Variants in BUB1 observed in about 807,000 individuals in gnomAD.
BUB1 encodes mitotic checkpoint serine/threonine-protein kinase BUB1.
In BUB1, 84 loss-of-function variants were observed where a neutral mutation model predicts 135.2. The observed-to-expected ratio is 0.62, with a 90% CI of 0.52 to 0.74. BUB1 has a LOEUF of 0.74. Ranked by LOEUF, BUB1 falls within the 30% of genes least tolerant of loss-of-function variation. The pLI, the probability that BUB1 is intolerant of heterozygous loss-of-function variation, is 0.00. For missense variants in BUB1, 1,162 were observed against 1,288.3 expected (o/e 0.90, Z 1.50); for synonymous variants, 403 against 434.4 (o/e 0.93, Z 0.90).
At chr2:110,668,227 T>C (rs1411251396) in intron 6 of BUB1, among the ~76,000 whole-genome samples, 1 of 152,138 alleles carries the variant, frequency 6.6e-6, no homozygotes, top group Non-Finnish European at 1.5e-5. Flanking sequence ...AATTAAAATT[T>C]TCCTCAGGTA....
intron 19 of BUB1, among the ~76,000 whole-genome samples, chr2:110,644,478 CAAAAAA>C (rs57312823): frequency 1.6e-5 from 1 of 63,164 alleles, no homozygotes; most frequent in African/African-American, 4.8e-5. Context: ...AACCCCGTCT[CAAAAAA>C]AAAAAAAAAA....
rs768664246 is a variant in BUB1, at chr2:110,658,690, G to A, written c.1329C>T (p.Asn443=). 2.5e-6 allele frequency: 4 copies of A among 1,614,088 alleles called. No individual in the cohort carries two copies. The highest frequency in any genetic ancestry group is 1.7e-5 in the Admixed American group (1 of 60,014). Residue 443 remains asparagine, a synonymous_variant, in exon 12 of 25, where the codon AAC becomes AAT. Transcript: ENST00000302759. ...TTGCCTGAACCATTCCCAGTGATGT[G>A]TTTGGAGTTGTGTGAAAAGAACTTG... is the stretch of plus-strand genomic sequence containing the variant. ...ANTSSFHTTP[N]TSLGMVQATP...
chr2:110,642,148 C>T lies in BUB1; in HGVS notation c.2434G>A (p.Ala812Thr). 1 of 1,611,794 alleles carries T rather than the reference C, an allele frequency of 6.2e-7. No individual in the cohort carries two copies. Among genetic ancestry groups the T allele is most frequent in the Admixed American group, 1.7e-5 (1 of 59,600 alleles). The change falls in exon 20 of 25, where the codon GCT becomes ACT. Residue 812 changes from alanine to threonine, a missense_variant. Transcript: ENST00000302759. ...AAAACAAATTTCTGTTTATTTTTAG[C>T]ATCATTCAGATCTCCCTGGGTAGCT... ...YEATQGDLND[A>T]KNKQKFVLKV...
At chr2:110,653,585 C>T (rs1211450369) in intron 16 of BUB1, 62 bp from the exon 17 acceptor site, 2 of 1,337,552 alleles carry the variant, frequency 1.5e-6, no homozygotes, top group Admixed American at 3.4e-5. Context: ...CAACACACAC[C>T]ATTTGATATG....
chr2:110,657,761 T>A (rs1689971643), intron 13 of BUB1, 116 bp from the exon 14 acceptor site: 1 of 695,622 alleles, frequency 1.4e-6, no homozygotes, highest in Non-Finnish European at 2.3e-6. Flanking sequence ...AGAACTAATA[T>A]CAGCTTTTCA....
chr2:110,667,846 A>C lies in BUB1; in HGVS notation c.571T>G (p.Ser191Ala), dbSNP rs760051153. ...GAAGATATCACTCCAGAAAGCTCTG[A>C]ACCCTAAAAAACAGAAAACAAACAT... The part of the protein sequence containing the change: ...NMACISKNQG[S>A]ELSGVISSAC... The change falls in exon 7 of 25, where the codon TCA (serine) becomes GCA (alanine). Residue 191 changes from serine to alanine, a missense_variant. Ser to Ala is a moderately conservative substitution (Grantham distance 99). Coordinates refer to ENST00000302759, the MANE Select transcript of BUB1 (RefSeq NM_004336.5). 1.3e-5 allele frequency: 21 copies of C among 1,611,910 alleles called. No homozygotes were observed. The highest frequency in any genetic ancestry group is 1.6e-4 in the Middle Eastern group (1 of 6,076).
intron 10 of BUB1, among the ~76,000 whole-genome samples, chr2:110,660,364 G>A (rs1370071036): frequency 2.6e-5 from 4 of 151,118 alleles, no homozygotes; most frequent in South Asian, 2.1e-4. Context: ...CAACAAGAGC[G>A]AGACTCCATC....
chr2:110,645,564 A>G (rs898741900), intron 19 of BUB1, among the ~76,000 whole-genome samples: 5 of 151,700 alleles, frequency 3.3e-5, no homozygotes, highest in African/African-American at 1.2e-4. Flanking sequence ...AATTATCAGC[A>G]TAGAAAATGG....
At chr2:110,667,371 A>C (rs1574332477) in intron 8 of BUB1, 150 bp downstream of exon 8, 1 of 883,628 alleles carries the variant, frequency 1.1e-6, no homozygotes, top group Non-Finnish European at 1.6e-6. Context: ...AAATGGGTTA[A>C]TAATGATTTC....
At chr2:110,647,541 A>G (rs945157074) in intron 19 of BUB1, among the ~76,000 whole-genome samples, 4 of 152,120 alleles carry the variant, frequency 2.6e-5, no homozygotes, top group African/African-American at 9.7e-5. Flanking sequence ...ATAAAATCCA[A>G]CACCCACTTA....
At chr2:110,657,207 C>A in intron 14 of BUB1, 90 bp from the exon 15 acceptor site, 1 of 1,071,194 alleles carries the variant, frequency 9.3e-7, no homozygotes. Context: ...CTCTACTTAT[C>A]CTATTTAATG....
chr2:110,654,441 G>C (rs1689868612), intron 16 of BUB1, among the ~76,000 whole-genome samples: 1 of 152,052 alleles, frequency 6.6e-6, no homozygotes, highest in African/African-American at 2.4e-5. Flanking sequence ...ACTGCACACA[G>C]CCAAGTATAT....
At chr2:110,640,647 T>C (rs1272004674) in intron 23 of BUB1, among the ~76,000 whole-genome samples, 1 of 152,194 alleles carries the variant, frequency 6.6e-6, no homozygotes, top group Admixed American at 6.5e-5. Flanking sequence ...CAACTCTGCC[T>C]GGAGTGGGCA....
rs367631362 is a variant in BUB1, at chr2:110,674,370, AAG to A, written c.27-7_27-6del. 1 of 1,613,798 alleles carries A rather than the reference AAG, an allele frequency of 6.2e-7. No homozygotes were observed. Among genetic ancestry groups the A allele is most frequent in the African/African-American group, 1.3e-5 (1 of 75,030 alleles). ...TGCATGTGGGCTTCAAGCATCCTAG[AAG>A]AGAGAAAGGTATGCACATGGGATAT... On this transcript the variant is annotated splice_polypyrimidine_tract_variant and splice_region_variant and intron_variant, in intron 1 of 24. Coordinates refer to ENST00000302759, the MANE Select transcript of BUB1 (RefSeq NM_004336.5).
chr2:110,666,359 C>A lies in BUB1; in HGVS notation c.861G>T (p.Gln287His). 6.5e-7 allele frequency: 1 copy of A among 1,539,692 alleles called. No individual in the cohort carries two copies. Among genetic ancestry groups the A allele is most frequent in the Admixed American group, 1.9e-5 (1 of 52,104 alleles). Residue 287 changes from glutamine to histidine, a missense_variant, in exon 9 of 25, where the codon CAG becomes CAT. Gln to His is a conservative substitution (Grantham distance 24). Coordinates refer to ENST00000302759, the MANE Select transcript of BUB1 (RefSeq NM_004336.5). ...KRKEANAFEEQLLKQKMDELH... is the reference protein window; with the variant it reads ...KRKEANAFEEHLLKQKMDELH... ...GTTCATCCATTTTCTGTTTTAATAG[C>A]TGTTCTTCAAAAGCATTTGCTTCTT... is the stretch of plus-strand genomic sequence containing the variant.
Position 110,650,723 on chromosome 2 carries a change from G to C in BUB1, c.2026C>G (p.Leu676Val). The C allele has an allele frequency of 1.2e-6, 2 of 1,614,050 alleles. No homozygotes were observed. Among genetic ancestry groups the C allele is most frequent in the Non-Finnish European group, 1.7e-6 (2 of 1,179,970 alleles). ...CCTGCAGCAGGCTGGCTCAGACGAA[G>C]TAAGGATGCTGAATACATGTGAGAC... is the stretch of plus-strand genomic sequence containing the variant. ...LSSHMYSASL[L>V]RLSQPAAGGV... The change falls in exon 18 of 25, where the codon CTT (leucine) becomes GTT (valine). Residue 676 changes from leucine (L) to valine (V), a missense_variant. Transcript: ENST00000302759.
intron 23 of BUB1, among the ~76,000 whole-genome samples, chr2:110,640,195 C>CT (rs763417891): frequency 1.3e-5 from 2 of 152,166 alleles, no homozygotes; most frequent in Non-Finnish European, 2.9e-5. Flanking sequence ...TCGTAGTTCT[C>CT]TAACTCGCCC....
chr2:110,674,468 A>C (rs1574337985), intron 1 of BUB1, 103 bp from the exon 2 acceptor site: 1 of 976,092 alleles, frequency 1.0e-6, no homozygotes, highest in African/African-American at 1.7e-5. Context: ...TAAAACAAAA[A>C]TCTTAAATAT....
In BUB1 at chr2:110,651,400, T is replaced by A. The variant is rs190193499; in HGVS notation, c.1965-616A>T. Among the ~76,000 whole-genome samples the A allele has an allele frequency of 8.0e-3, 1,215 of 151,824 alleles. 11 individuals carry two copies. The highest frequency in any genetic ancestry group is 0.028 in the African/African-American group (1,153 of 41,362). The stretch of plus-strand genomic sequence containing the variant: ...AAAGTTTAAAAAGTGAAAAAAAAAA[T>A]TTTTTTAATGCTTATAGAATGATAT... On this transcript the variant is annotated intron_variant, in intron 17 of 24. Transcript: ENST00000302759.
Sources: allele counts gnomAD v4.1 joint callset (sites outside exome capture counted in the v4.1 genomes callset), GRCh38; gene constraint gnomAD v4.1.1; transcripts MANE v1.5; gene names NCBI Gene and HGNC (gene_info 2026-07-23, HGNC 2026-07-21).